PCDHA10: variants seen among roughly 807,000 people sequenced by gnomAD.
PCDHA10 encodes protocadherin alpha 10.
Under a neutral mutation model 61.2 loss-of-function variants are expected in PCDHA10, and 45 were observed. The observed-to-expected ratio is 0.74, with a 90% CI of 0.58 to 0.94. The LOEUF (loss-of-function observed/expected upper bound fraction) is 0.94. PCDHA10 is among the 40% of genes least tolerant of loss of function. The pLI, the probability that PCDHA10 is intolerant of heterozygous loss-of-function variation, is 0.00. For synonymous variants in PCDHA10, 602 were observed against 548.8 expected (o/e 1.10, Z -1.35); for missense variants, 1,278 against 1,236.2 (o/e 1.03, Z -0.51).
chr5:140,969,019 G>A (rs782394566), intron 1 of PCDHA10: 61 of 1,614,046 alleles, frequency 3.8e-5, no homozygotes, highest in Non-Finnish European at 4.7e-5. Flanking sequence ...TAAGGGAAAG[G>A]TCCCCTGCAG....
rs1281058907 is a variant in PCDHA10 at position 140,858,052 on chromosome 5, T to C, written c.2004T>C (p.Leu668=). ...LTATATVLVS[L]VEGSQAPKAS... The stretch of plus-strand genomic sequence containing the variant: ...CCACGGCCACTGTGCTTGTGTCGCT[T>C]GTGGAGGGCAGCCAGGCACCCAAGG... The change falls in exon 1 of 4, where the codon CTT becomes CTC. Residue 668 remains leucine (L), a synonymous_variant. Transcript: ENST00000307360. 4 of 1,597,036 alleles carry C rather than the reference T, an allele frequency of 2.5e-6. No homozygotes were observed. The highest frequency in any genetic ancestry group is 1.3e-5 in the African/African-American group (1 of 74,220).
At chr5:140,977,862 A>G (rs142967836) in intron 1 of PCDHA10, among the ~76,000 whole-genome samples, 3 of 152,372 alleles carry the variant, frequency 2.0e-5, no homozygotes, top group African/African-American at 7.2e-5. Context: ...TCTACCAAAT[A>G]TGGTAAGTAT....
chr5:140,889,824 C>A (rs1396428338), intron 1 of PCDHA10, among the ~76,000 whole-genome samples: 3 of 152,102 alleles, frequency 2.0e-5, no homozygotes, highest in African/African-American at 4.8e-5. Context: ...CATAAGAAGT[C>A]TTACAGTATG....
rs376556447 is a variant in PCDHA10 at position 140,885,103 on chromosome 5, CT to C, written c.2388+26674del. On this transcript the variant is annotated intron_variant, in intron 1 of 3. Transcript: ENST00000307360. The stretch of plus-strand genomic sequence containing the variant: ...AGCCCCATAACTTTTCACATAAATG[CT>C]TTTTTTAAGTGCACTTTTCTTTCTT... Among the ~76,000 whole-genome samples the C allele has an allele frequency of 4.5e-3, 686 of 152,136 alleles. 2 individuals are homozygous for C. Among genetic ancestry groups the C allele is most frequent in the African/African-American group, 0.016 (664 of 41,518 alleles).
At chr5:140,987,322 T>G (rs1160600975) in intron 3 of PCDHA10, among the ~76,000 whole-genome samples, 3 of 152,200 alleles carry the variant, frequency 2.0e-5, no homozygotes, top group Non-Finnish European at 4.4e-5. Flanking sequence ...CTGTGAAGTT[T>G]TAAGAACTGG....
rs782468691 is a variant in PCDHA10 at position 140,962,448 on chromosome 5, A to C, written c.2389-16501A>C. Reference sequence around the variant, plus strand: ...TGTTACTTATCCAAAGATGGCTTGAATCTCTTATGGCTTGAATCTCTTTGT... The same window carrying C: ...TGTTACTTATCCAAAGATGGCTTGACTCTCTTATGGCTTGAATCTCTTTGT... On this transcript the variant is annotated intron_variant, in intron 1 of 3. Coordinates refer to ENST00000307360, the MANE Select transcript of PCDHA10 (RefSeq NM_018901.4). Among the ~76,000 whole-genome samples the C allele has an allele frequency of 4.7e-4, 72 of 152,232 alleles. 1 individual carries two copies. The highest frequency in any genetic ancestry group is 6.8e-3 in the Middle Eastern group (2 of 294).
intron 1 of PCDHA10, chr5:140,859,978 C>T (rs1554152894): frequency 6.6e-6 from 1 of 151,802 alleles, no homozygotes. Context: ...TATACAAGTG[C>T]ATTAATCTCT....
chr5:140,857,858 G>A lies in PCDHA10; in HGVS notation c.1810G>A (p.Ala604Thr). 1.9e-6 allele frequency: 3 copies of A among 1,597,854 alleles called. No homozygotes were observed. The highest frequency in any genetic ancestry group is 2.6e-6 in the Non-Finnish European group (3 of 1,167,554). Residue 604 changes from alanine (A) to threonine (T), a missense_variant, in exon 1 of 4, where the codon GCG becomes ACG. Coordinates refer to ENST00000307360, the MANE Select transcript of PCDHA10 (RefSeq NM_018901.4). ...AGTGGACGCTGACTCTGGATACAAC[G>A]CGTGGCTGTCGTATGAATTGCAGTC... The part of the protein sequence containing the change: ...RAVDADSGYN[A>T]WLSYELQSAA...
intron 1 of PCDHA10, among the ~76,000 whole-genome samples, chr5:140,920,082 C>T (rs567545861): frequency 2.0e-5 from 3 of 152,248 alleles, no homozygotes; most frequent in East Asian, 1.9e-4. Context: ...ACAGATTCTC[C>T]GTAGAGCCTC....
At chr5:140,967,001 A>G (rs1048933252) in intron 1 of PCDHA10, 5 of 1,605,060 alleles carry the variant, frequency 3.1e-6, no homozygotes, top group East Asian at 2.2e-5. Flanking sequence ...TTGCTTGCGC[A>G]TCAACCATCT....
intron 1 of PCDHA10, chr5:140,966,628 C>G (rs944715570): frequency 7.9e-5 from 76 of 964,108 alleles, no homozygotes; most frequent in Non-Finnish European, 1.0e-4. Flanking sequence ...GGGAGCGGCC[C>G]CAGGCGCTTT....
At chr5:140,886,138 T>C (rs1166911705) in intron 1 of PCDHA10, among the ~76,000 whole-genome samples, 2 of 152,208 alleles carry the variant, frequency 1.3e-5, no homozygotes, top group African/African-American at 4.8e-5. Flanking sequence ...AACCAGATTC[T>C]TGATATCACC....
chr5:140,999,505 A>C (rs1221080631), intron 3 of PCDHA10, among the ~76,000 whole-genome samples: 3 of 152,134 alleles, frequency 2.0e-5, no homozygotes, highest in African/African-American at 7.2e-5. Flanking sequence ...AAGAACCTAC[A>C]TTTTAAGCAT....
chr5:140,868,571 A>G (rs1326549440), intron 1 of PCDHA10: 1 of 152,948 alleles, frequency 6.5e-6, no homozygotes, highest in Non-Finnish European at 1.5e-5. Context: ...GAGGAACAAC[A>G]CTTTCAGGAA....
chr5:141,000,618 G>A (rs1354281260), intron 3 of PCDHA10, among the ~76,000 whole-genome samples: 1 of 150,858 alleles, frequency 6.6e-6, no homozygotes, highest in Non-Finnish European at 1.5e-5. Flanking sequence ...AGTAGAGACA[G>A]GGTTTCACCA....
chr5:140,973,178 G>A (rs188308697), intron 1 of PCDHA10, among the ~76,000 whole-genome samples: 1 of 152,282 alleles, frequency 6.6e-6, no homozygotes, highest in Admixed American at 6.5e-5. Flanking sequence ...CAAACCTTCA[G>A]TTATTTCTGC....
chr5:140,952,566 G>A (rs1198943972), intron 1 of PCDHA10, among the ~76,000 whole-genome samples: 1 of 151,938 alleles, frequency 6.6e-6, no homozygotes, highest in African/African-American at 2.4e-5. Flanking sequence ...TCAGCACTTC[G>A]GTCCCAATCA....
intron 1 of PCDHA10, among the ~76,000 whole-genome samples, chr5:140,913,421 A>T (rs2076328410): frequency 6.6e-6 from 1 of 152,144 alleles, no homozygotes; most frequent in Non-Finnish European, 1.5e-5. Flanking sequence ...CTGCAGTATC[A>T]GTTGTAATGC....
At chr5:140,995,515 C>T (rs1476035141) in intron 3 of PCDHA10, among the ~76,000 whole-genome samples, 2 of 152,078 alleles carry the variant, frequency 1.3e-5, no homozygotes, top group East Asian at 1.9e-4. Context: ...TAACTGAAGC[C>T]TCAGAAATCA....
Sources: allele counts gnomAD v4.1 joint callset (sites outside exome capture counted in the v4.1 genomes callset), GRCh38; gene constraint gnomAD v4.1.1; transcripts MANE v1.5; gene names NCBI Gene and HGNC (gene_info 2026-07-23, HGNC 2026-07-21).